The following SNRPA1 variants were observed in gnomAD, a reference collection of about 807,000 sequenced individuals.
SNRPA1 encodes the protein small nuclear ribonucleoprotein polypeptide A'.
SNRPA1 carries 5 observed loss-of-function variants against 32.3 expected under a neutral mutation model. That is an observed-to-expected ratio of 0.15 (90% confidence interval 0.08 to 0.33). The LOEUF is 0.33. Ranked by LOEUF, SNRPA1 falls within the 10% of genes least tolerant of loss-of-function variation. The pLI is 1.00. For synonymous variants in SNRPA1, 111 were observed against 120.1 expected (o/e 0.92, Z 0.50); for missense variants, 198 against 311.1 (o/e 0.64, Z 2.74).
intron 3 of SNRPA1, among the ~76,000 whole-genome samples, chr15:101,290,574 A>G (rs1021079988): frequency 7.0e-6 from 1 of 142,482 alleles, no homozygotes; most frequent in African/African-American, 2.6e-5. Flanking sequence ...AAGTTATACG[A>G]TTTTTTTTTT....
rs1351581953 is a variant in SNRPA1, at chr15:101,288,010, G to A, written c.310-308C>T. On this transcript the variant is annotated intron_variant, in intron 3 of 8. Transcript: ENST00000254193. ...TGGAAAAGAAAACAATGGCAAAGCT[G>A]ATGGGACTCTGGAGCAACCTATTCA... The A allele has an allele frequency of 1.2e-5, 4 of 342,914 alleles. No homozygotes were observed. In the East Asian group the frequency reaches 2.5e-4, roughly 21 times the overall value. The allele number at this position is 342,914 out of a possible 1,614,324, so 21.2% of individuals were successfully genotyped here. A position where few individuals can be genotyped will look rare whatever the true frequency, so the allele number is the denominator to read the frequency against.
intron 7 of SNRPA1, among the ~76,000 whole-genome samples, chr15:101,285,470 A>C (rs1048512979): frequency 2.6e-5 from 4 of 152,260 alleles, no homozygotes; most frequent in African/African-American, 9.6e-5. Flanking sequence ...TACCAAGGTA[A>C]GTAACTGTTC....
intron 5 of SNRPA1, 28 bp from the exon 6 acceptor site, chr15:101,286,321 T>C: frequency 1.2e-6 from 2 of 1,602,938 alleles, no homozygotes; most frequent in African/African-American, 1.3e-5. Context: ...ACAGAGTTAA[T>C]GGAAATAGGA....
At chr15:101,286,191 T>TA in intron 6 of SNRPA1, 23 bp downstream of exon 6, 1 of 1,597,480 alleles carries the variant, frequency 6.3e-7, no homozygotes, top group Non-Finnish European at 8.6e-7. Flanking sequence ...GAAGTAGAGT[T>TA]AAGTTGGATA....
chr15:101,293,102 G>C lies in SNRPA1; in HGVS notation c.153C>G (p.Asp51Glu), dbSNP rs557125509. ...AACCATCCAGTTTCCTGATCTCATT[G>C]TCAGAAAAATCAATAGCATCAAACT... is the stretch of plus-strand genomic sequence containing the variant. Reference protein sequence around the residue: ...LDQFDAIDFSDNEIRKLDGFP... With the variant: ...LDQFDAIDFSENEIRKLDGFP... The change falls in exon 2 of 9, where the codon GAC becomes GAG. Residue 51 changes from aspartate to glutamate, a missense_variant. Around this residue, in one of 3 missense-constraint regions of SNRPA1, gnomAD observed 119 missense variants for 171.6 expected, o/e 0.69. Coordinates refer to ENST00000254193, the MANE Select transcript of SNRPA1 (RefSeq NM_003090.4). The C allele has an allele frequency of 9.3e-6, 15 of 1,611,170 alleles. No individual in the cohort carries two copies. The African/African-American group carries it at 2.0e-4, about 22-fold the overall frequency.
chr15:101,285,909 T>C (rs1211431390), intron 6 of SNRPA1, 108 bp from the exon 7 acceptor site: 4 of 800,210 alleles, frequency 5.0e-6, no homozygotes, highest in Middle Eastern at 3.6e-4. Flanking sequence ...TATCTTATCT[T>C]TGTTAACAAA....
chr15:101,284,210 C>T (rs549294786), intron 8 of SNRPA1, among the ~76,000 whole-genome samples: 3 of 152,150 alleles, frequency 2.0e-5, no homozygotes, highest in South Asian at 4.2e-4. Flanking sequence ...CTCAGCCTCT[C>T]GGCAACCTTT....
chr15:101,288,149 C>T lies in SNRPA1; in HGVS notation c.310-447G>A, dbSNP rs76418819. 1,377 of 161,992 alleles carry T rather than the reference C, an allele frequency of 8.5e-3. 24 individuals carry two copies. The highest frequency in any genetic ancestry group is 0.031 in the African/African-American group (1,310 of 41,756). The allele number at this position is 161,992 out of a possible 1,614,324, so 10.0% of individuals were successfully genotyped here. ...TCTTTTGAAAGAAGGTACATTTATC[C>T]TAGCTGCCCCTGAAAATCTCTTTAA... is the stretch of plus-strand genomic sequence containing the variant. On this transcript the variant is annotated intron_variant, in intron 3 of 8. Transcript: ENST00000254193.
intron 1 of SNRPA1, among the ~76,000 whole-genome samples, chr15:101,294,100 T>C (rs926057552): frequency 1.3e-5 from 2 of 152,192 alleles, no homozygotes; most frequent in African/African-American, 2.4e-5. Context: ...CCGGGCGTGG[T>C]GGCGCATGCC....
intron 8 of SNRPA1, among the ~76,000 whole-genome samples, 161 bp from the exon 9 acceptor site, chr15:101,281,943 G>C (rs898836129): frequency 6.6e-6 from 1 of 152,236 alleles, no homozygotes; most frequent in Admixed American, 6.5e-5. Context: ...TCCAGGGACG[G>C]TCTAGTCTGT....
At chr15:101,289,428 T>C (rs1304652334) in intron 3 of SNRPA1, among the ~76,000 whole-genome samples, 1 of 151,926 alleles carries the variant, frequency 6.6e-6, no homozygotes, top group Non-Finnish European at 1.5e-5. Flanking sequence ...TGAAAGAGAG[T>C]AATTTCTAAA....
chr15:101,290,198 T>C (rs1462891967), intron 3 of SNRPA1, among the ~76,000 whole-genome samples: 2 of 152,272 alleles, frequency 1.3e-5, no homozygotes, highest in Non-Finnish European at 2.9e-5. Flanking sequence ...CTTCAAAATA[T>C]ACAAAACTAA....
chr15:101,284,910 G>C (rs1399160798), intron 8 of SNRPA1, 57 bp downstream of exon 8: 7 of 1,288,094 alleles, frequency 5.4e-6, no homozygotes, highest in Non-Finnish European at 7.9e-6. Flanking sequence ...AAATGGTTGT[G>C]AGTTACACTC....
intron 8 of SNRPA1, among the ~76,000 whole-genome samples, chr15:101,284,507 CT>C (rs58361573): frequency 0.037 from 5,338 of 142,482 alleles, 276 homozygotes; most frequent in African/African-American, 0.12. Context: ...CATGAAATAC[CT>C]TTTTTTTTTT....
intron 3 of SNRPA1, 135 bp from the exon 4 acceptor site, chr15:101,287,837 C>T (rs1421554866): frequency 1.4e-6 from 1 of 706,744 alleles, no homozygotes; most frequent in African/African-American, 1.8e-5. Context: ...AAGCCCAATA[C>T]TAGCACATCA....
rs1317007237 is a variant in SNRPA1 at position 101,292,880 on chromosome 15, A to G, written c.230+145T>C. On this transcript the variant is annotated intron_variant, in intron 2 of 8. Transcript: ENST00000254193. ...ATGTGGCTTCCATTATGGAAAAAAT[A>G]TTTTTTCAAAATATAAATAAAAAAG... is the stretch of plus-strand genomic sequence containing the variant. 1.4e-5 allele frequency: 7 copies of G among 493,468 alleles called. 1 individual carries two copies. In the Middle Eastern group the frequency reaches 1.7e-3, roughly 117 times the overall value. 30.6% of individuals were successfully genotyped at this position (493,468 alleles called of 1,614,324 possible).
At chr15:101,290,542 A>C (rs1472574322) in intron 3 of SNRPA1, among the ~76,000 whole-genome samples, 2 of 151,830 alleles carry the variant, frequency 1.3e-5, no homozygotes, top group Non-Finnish European at 2.9e-5. Context: ...AAAATACGGG[A>C]GGAAGGTTAA....
intron 3 of SNRPA1, chr15:101,288,065 G>C (rs1418629763): frequency 4.4e-6 from 1 of 229,882 alleles, no homozygotes; most frequent in Non-Finnish European, 8.9e-6. Flanking sequence ...GAATCTTGGT[G>C]TAAGTGGGCT....
intron 3 of SNRPA1, among the ~76,000 whole-genome samples, chr15:101,288,607 G>C (rs1372255980): frequency 6.6e-6 from 1 of 152,032 alleles, no homozygotes; most frequent in African/African-American, 2.4e-5. Flanking sequence ...AATAAGGATA[G>C]CAAAAAAACA....
Sources: allele counts gnomAD v4.1 joint callset (sites outside exome capture counted in the v4.1 genomes callset), GRCh38; gene constraint gnomAD v4.1.1; regional missense constraint gnomAD v4.1.1; transcripts MANE v1.5; gene names NCBI Gene and HGNC (gene_info 2026-07-23, HGNC 2026-07-21).